Variants in NSD1 observed in about 807,000 individuals in gnomAD.
NSD1 encodes nuclear receptor binding SET domain protein 1, also known as histone-lysine N-methyltransferase, H3 lysine-36 specific.
NSD1 carries 26 observed loss-of-function variants against 242.7 expected under a neutral mutation model. The observed-to-expected ratio is 0.11, with a 90% CI of 0.08 to 0.15. The LOEUF (loss-of-function observed/expected upper bound fraction) is 0.15. Ranked by LOEUF, NSD1 falls within the 10% of genes least tolerant of loss-of-function variation. The pLI, the probability that NSD1 is intolerant of heterozygous loss-of-function variation, is 1.00. For missense variants in NSD1, 2,495 were observed against 3,272.8 expected, an observed-to-expected ratio of 0.76 and a Z score of 5.80; for synonymous variants, 1,106 against 1,178.1, an observed-to-expected ratio of 0.94 and a Z score of 1.25.
In NSD1 at chr5:177,267,544, A is replaced by G. The variant is rs1757595481; in HGVS notation, c.5147-18A>G. 6.2e-7 allele frequency: 1 copy of G among 1,613,340 alleles called. No individual in the cohort carries two copies. The highest frequency in any genetic ancestry group is 2.2e-5 in the East Asian group (1 of 44,862). Reference sequence around the variant, plus strand: ...TGCAGTCTTGTGATCTGAATGCCACATTTTTTTATTCCCACAGGAGGCAGC... The same window carrying G: ...TGCAGTCTTGTGATCTGAATGCCACGTTTTTTTATTCCCACAGGAGGCAGC... On this transcript the variant is annotated intron_variant, in intron 14 of 22. Transcript: ENST00000439151.
chr5:177,170,512 G>A (rs1455019890), intron 2 of NSD1, among the ~76,000 whole-genome samples: 2 of 151,742 alleles, frequency 1.3e-5, no homozygotes, highest in African/African-American at 2.4e-5. Flanking sequence ...CACCATGCCC[G>A]GCTAATTTTT....
intron 12 of NSD1, among the ~76,000 whole-genome samples, chr5:177,252,158 G>T (rs778153205): frequency 1.3e-5 from 2 of 152,178 alleles, no homozygotes; most frequent in Admixed American, 1.3e-4. Context: ...AATTGATGTC[G>T]GGAGGGGAAG....
At chr5:177,214,668 CTTT>C (rs35392696) in intron 5 of NSD1, among the ~76,000 whole-genome samples, 19 of 123,646 alleles carry the variant, frequency 1.5e-4, no homozygotes, top group Admixed American at 2.5e-4. Flanking sequence ...ACAGGATCAC[CTTT>C]TTTTTTTTTT....
intron 11 of NSD1, among the ~76,000 whole-genome samples, chr5:177,250,919 C>T (rs908118437): frequency 8.5e-5 from 13 of 152,132 alleles, no homozygotes; most frequent in South Asian, 2.1e-4. Flanking sequence ...GGGCTGGGTG[C>T]GGTGGCTCAC....
At chr5:177,141,728 C>G (rs750199729) in intron 2 of NSD1, among the ~76,000 whole-genome samples, 2 of 152,186 alleles carry the variant, frequency 1.3e-5, no homozygotes, top group Non-Finnish European at 2.9e-5. Flanking sequence ...TGCTACTCCA[C>G]TCTATGAAAC....
intron 5 of NSD1, among the ~76,000 whole-genome samples, chr5:177,235,176 T>C (rs2149882870): frequency 6.6e-6 from 1 of 152,320 alleles, no homozygotes; most frequent in Non-Finnish European, 1.5e-5. Context: ...ACCACAGATA[T>C]TCCACATGGT....
At position 177,209,768 on chromosome 5, in the gene NSD1, T is replaced by A; in HGVS notation, c.1369T>A (p.Phe457Ile). The A allele has an allele frequency of 6.2e-7, 1 of 1,614,146 alleles. No homozygotes were observed. The highest frequency in any genetic ancestry group is 8.5e-7 in the Non-Finnish European group (1 of 1,180,028). Residue 457 changes from phenylalanine (F) to isoleucine (I), a missense_variant, in exon 5 of 23, where the codon TTT (phenylalanine) becomes ATT (isoleucine). Coordinates refer to ENST00000439151, the MANE Select transcript of NSD1 (RefSeq NM_022455.5). ...IKLDSEEDMP[F>I]EDCTNDPESE... ...GTTGGACAGTGAAGAAGATATGCCA[T>A]TTGAAGACTGCACAAATGATCCTGA...
intron 3 of NSD1, among the ~76,000 whole-genome samples, chr5:177,201,906 C>T (rs1762535496): frequency 6.6e-6 from 1 of 151,776 alleles, no homozygotes; most frequent in Admixed American, 6.6e-5. Flanking sequence ...GTGGCTCACG[C>T]CTGTAATCCC....
intron 2 of NSD1, among the ~76,000 whole-genome samples, chr5:177,173,962 A>G (rs1278459149): frequency 2.0e-5 from 3 of 152,258 alleles, no homozygotes; most frequent in African/African-American, 7.2e-5. Context: ...TTAAATGAAC[A>G]TTAATTCAAC....
Position 177,213,978 on chromosome 5 carries a change from G to GT in NSD1, c.3796+1793dup, listed in dbSNP as rs57480249. 7.1e-3 allele frequency among the ~76,000 whole-genome samples: 1,045 copies of GT among 147,424 alleles called. 13 individuals carry two copies. The highest frequency in any genetic ancestry group is 0.028 in the East Asian group (139 of 5,042). Reference sequence around the variant, plus strand: ...ATGTAACCTAAATGTACCTTTTTTGGTTTTTTTTTTGAGATAGGGTCTGGC... The same window carrying GT: ...ATGTAACCTAAATGTACCTTTTTTGGTTTTTTTTTTTGAGATAGGGTCTGGC... On this transcript the variant is annotated intron_variant, in intron 5 of 22. Coordinates refer to ENST00000439151, the MANE Select transcript of NSD1 (RefSeq NM_022455.5).
chr5:177,287,228 G>T (rs983260414), intron 20 of NSD1, among the ~76,000 whole-genome samples: 1 of 152,252 alleles, frequency 6.6e-6, no homozygotes, highest in Non-Finnish European at 1.5e-5. Flanking sequence ...TGTTCAGTGA[G>T]CAGCAAGTTA....
chr5:177,167,361 A>G (rs754916128), intron 2 of NSD1, among the ~76,000 whole-genome samples: 25 of 151,880 alleles, frequency 1.6e-4, no homozygotes, highest in Non-Finnish European at 2.8e-4. Flanking sequence ...ACATGGTGAA[A>G]CCCATTTCTA....
intron 8 of NSD1, among the ~76,000 whole-genome samples, chr5:177,241,701 A>T (rs1390117696): frequency 6.6e-6 from 1 of 152,152 alleles, no homozygotes; most frequent in African/African-American, 2.4e-5. Flanking sequence ...GCTAGCACCA[A>T]ACTCTGGAGA....
At chr5:177,155,960 CT>C (rs1758099672) in intron 2 of NSD1, among the ~76,000 whole-genome samples, 1 of 151,982 alleles carries the variant, frequency 6.6e-6, no homozygotes, top group African/African-American at 2.4e-5. Context: ...CCGACTCAGC[CT>C]CCCAAAGTGC....
chr5:177,151,235 G>T (rs1222851527), intron 2 of NSD1, among the ~76,000 whole-genome samples: 1 of 152,118 alleles, frequency 6.6e-6, no homozygotes, highest in East Asian at 1.9e-4. Context: ...AATTAGCCAG[G>T]TGTGATGGCG....
intron 2 of NSD1, among the ~76,000 whole-genome samples, chr5:177,187,822 A>G (rs767768667): frequency 1.8e-4 from 28 of 152,158 alleles, no homozygotes; most frequent in Non-Finnish European, 3.7e-4. Context: ...ATCTGGATCA[A>G]CTGCAAAGAC....
chr5:177,177,176 G>T (rs1198674947), intron 2 of NSD1, among the ~76,000 whole-genome samples: 2 of 152,100 alleles, frequency 1.3e-5, no homozygotes, highest in African/African-American at 4.8e-5. Context: ...TAGACATTGT[G>T]TCTGCCCTCA....
At chr5:177,166,760 T>C (rs926359387) in intron 2 of NSD1, among the ~76,000 whole-genome samples, 56 of 150,982 alleles carry the variant, frequency 3.7e-4, no homozygotes, top group East Asian at 2.9e-3. Context: ...TTTTTTTTTT[T>C]CCCTGAGATG....
At chr5:177,283,650 A>G (rs1425196627) in intron 19 of NSD1, 137 bp from the exon 20 acceptor site, 3 of 1,009,158 alleles carry the variant, frequency 3.0e-6, no homozygotes, top group African/African-American at 3.2e-5. Flanking sequence ...TTGAGAACCA[A>G]AGTTCTTTGG....
Sources: gnomAD v4.1 joint callset for allele counts (sites outside exome capture counted in the v4.1 genomes callset) on GRCh38, gnomAD v4.1.1 for gene constraint, MANE v1.5 for transcripts, NCBI Gene and HGNC (gene_info 2026-07-23, HGNC 2026-07-21) for gene names.